Variants in THADA observed in about 807,000 individuals in gnomAD.
The protein encoded by THADA is THADA armadillo repeat containing, also known as tRNA (32-2'-O)-methyltransferase regulator THADA.
In THADA, 213 loss-of-function variants were observed where a neutral mutation model predicts 219.8. The observed-to-expected ratio is 0.97, with a 90% CI of 0.87 to 1.09. The LOEUF is 1.09. Ranked by LOEUF, THADA falls within the 50% of genes least tolerant of loss-of-function variation. THADA has a pLI of 0.00. For synonymous variants in THADA, 1,018 were observed against 828.9 expected, an observed-to-expected ratio of 1.23 and a Z score of -3.92; for missense variants, 2,956 against 2,311.3, an observed-to-expected ratio of 1.28 and a Z score of -5.72.
At chr2:43,317,488 A>G (rs1678216216) in intron 31 of THADA, among the ~76,000 whole-genome samples, 1 of 152,158 alleles carries the variant, frequency 6.6e-6, no homozygotes, top group Non-Finnish European at 1.5e-5. Context: ...TTGAAAGCAT[A>G]TTGAAATCTA....
chr2:43,495,843 C>A (rs78497923), intron 25 of THADA, among the ~76,000 whole-genome samples: 12,643 of 152,230 alleles, frequency 0.083, 583 homozygotes, highest in South Asian at 0.13. Flanking sequence ...TCTGACTCTA[C>A]TGACAGTATA....
chr2:43,551,936 G>C lies in THADA; in HGVS notation c.2811-11C>G, dbSNP rs367548179. ...ACCAACTGCAGGCTGCTGCAACAAGGACATTAGGGAAATTTATACTAAAAG... is the reference window on the plus strand; with the variant it reads ...ACCAACTGCAGGCTGCTGCAACAAGCACATTAGGGAAATTTATACTAAAAG... On this transcript the variant is annotated splice_polypyrimidine_tract_variant and intron_variant, in intron 18 of 37. Coordinates refer to ENST00000405975, the MANE Select transcript of THADA (RefSeq NM_022065.5). 1 of 1,593,554 alleles carries C rather than the reference G, an allele frequency of 6.3e-7. No individual in the cohort carries two copies. The highest frequency in any genetic ancestry group is 8.5e-7 in the Non-Finnish European group (1 of 1,174,444).
chr2:43,508,726 T>C lies in THADA; in HGVS notation c.3429A>G (p.Leu1143=), dbSNP rs1188689342. The C allele has an allele frequency of 9.9e-6, 16 of 1,613,808 alleles. No individual in the cohort carries two copies. The highest frequency in any genetic ancestry group is 1.3e-5 in the African/African-American group (1 of 75,036). ...KLPEQWLWSV[L]EEIKCSDPSS... ...AAGGATCACTGCATTTAATTTCCTC[T>C]AAAACACTCCATAGCCACTGTTCTG... The change falls in exon 23 of 38, where the codon TTA becomes TTG. Residue 1143 remains leucine, a synonymous_variant. Coordinates refer to ENST00000405975, the MANE Select transcript of THADA (RefSeq NM_022065.5).
Position 43,264,823 on chromosome 2 carries a change from C to T in THADA, c.5296+14942G>A, listed in dbSNP as rs188870117. ...GGTCAGCGCTTTGGAAGATTTCTTG[C>T]ACCCATCTCTGAGTTCTACAGTACC... On this transcript the variant is annotated intron_variant, in intron 36 of 37. Transcript: ENST00000405975. 5.9e-5 allele frequency among the ~76,000 whole-genome samples: 9 copies of T among 152,322 alleles called. No homozygotes were observed. The East Asian group carries it at 1.7e-3, about 29-fold the overall frequency.
intron 33 of THADA, 63 bp downstream of exon 33, chr2:43,292,041 T>C: frequency 8.8e-7 from 1 of 1,133,518 alleles, no homozygotes; most frequent in Non-Finnish European, 1.3e-6. Flanking sequence ...GCAAGTTCAT[T>C]ACATAATGAC....
intron 28 of THADA, among the ~76,000 whole-genome samples, chr2:43,415,913 G>A (rs1017114467): frequency 6.6e-5 from 10 of 152,090 alleles, no homozygotes; most frequent in African/African-American, 2.4e-4. Context: ...CTTAAGTCCA[G>A]TTTTCATTCT....
At chr2:43,578,310 T>C (rs1700067928) in intron 9 of THADA, among the ~76,000 whole-genome samples, 1 of 143,958 alleles carries the variant, frequency 6.9e-6, no homozygotes, top group Admixed American at 6.7e-5. Flanking sequence ...ACCCAGCAAA[T>C]TTTCTTTTTT....
intron 29 of THADA, among the ~76,000 whole-genome samples, chr2:43,366,049 G>A (rs1246225826): frequency 1.3e-5 from 2 of 152,162 alleles, no homozygotes; most frequent in Non-Finnish European, 2.9e-5. Flanking sequence ...GTTGAGCATA[G>A]AGATACTAAA....
intron 22 of THADA, among the ~76,000 whole-genome samples, chr2:43,515,003 T>TTA (rs1312952262): frequency 1.5e-4 from 5 of 32,662 alleles, no homozygotes; most frequent in African/African-American, 5.0e-4. Flanking sequence ...ATATATAATA[T>TTA]TATATATATT....
intron 29 of THADA, among the ~76,000 whole-genome samples, chr2:43,389,282 G>T (rs1395064291): frequency 6.6e-5 from 10 of 152,088 alleles, no homozygotes; most frequent in Non-Finnish European, 1.2e-4. Context: ...TATTAACTTA[G>T]AAATTATATA....
intron 24 of THADA, among the ~76,000 whole-genome samples, chr2:43,504,648 G>A (rs574920637): frequency 8.6e-4 from 131 of 152,326 alleles, no homozygotes; most frequent in African/African-American, 3.1e-3. Context: ...GGAAGGCCAA[G>A]GCAGGCAGAT....
chr2:43,439,233 C>T (rs1680535935), intron 26 of THADA, among the ~76,000 whole-genome samples: 1 of 151,934 alleles, frequency 6.6e-6, no homozygotes, highest in Non-Finnish European at 1.5e-5. Context: ...AAACTGAGTG[C>T]CATTAGATAT....
At chr2:43,500,807 T>C (rs1340299282) in intron 24 of THADA, among the ~76,000 whole-genome samples, 2 of 152,166 alleles carry the variant, frequency 1.3e-5, no homozygotes, top group Non-Finnish European at 2.9e-5. Flanking sequence ...GGTATGATTA[T>C]CCATAAAACA....
intron 29 of THADA, among the ~76,000 whole-genome samples, chr2:43,366,593 A>G (rs1216338807): frequency 6.6e-6 from 1 of 152,228 alleles, no homozygotes; most frequent in African/African-American, 2.4e-5. Context: ...GCAAAAGTTT[A>G]CATACAACAT....
At chr2:43,285,453 C>A (rs1431926833) in intron 35 of THADA, among the ~76,000 whole-genome samples, 1 of 152,168 alleles carries the variant, frequency 6.6e-6, no homozygotes, top group Non-Finnish European at 1.5e-5. Context: ...TCCCCTTTAC[C>A]TTCTGCCATA....
chr2:43,435,943 C>T (rs1192968818), intron 26 of THADA, among the ~76,000 whole-genome samples: 1 of 151,830 alleles, frequency 6.6e-6, no homozygotes, highest in East Asian at 1.9e-4. Flanking sequence ...GTTAGTACAC[C>T]TTCCATGTGG....
intron 36 of THADA, among the ~76,000 whole-genome samples, chr2:43,240,453 T>C (rs1471976436): frequency 6.6e-6 from 1 of 152,152 alleles, no homozygotes; most frequent in Non-Finnish European, 1.5e-5. Context: ...AAAAACAAGC[T>C]CGGTTCAGCT....
At chr2:43,389,949 G>C (rs980586743) in intron 29 of THADA, among the ~76,000 whole-genome samples, 1 of 152,178 alleles carries the variant, frequency 6.6e-6, no homozygotes, top group East Asian at 1.9e-4. Context: ...TAAGCTTCTT[G>C]AGAGCAGAGA....
intron 22 of THADA, among the ~76,000 whole-genome samples, chr2:43,514,666 AATATATAATATATTATATT>A (rs1302612220): frequency 4.6e-5 from 4 of 86,724 alleles, no homozygotes; most frequent in East Asian, 2.6e-4. Flanking sequence ...TGTATATAAT[AATATATAATATATTATATT>A]ATATATAATA....
Sources: allele counts gnomAD v4.1 joint callset (sites outside exome capture counted in the v4.1 genomes callset), GRCh38; gene constraint gnomAD v4.1.1; transcripts MANE v1.5; gene names NCBI Gene and HGNC (gene_info 2026-07-23, HGNC 2026-07-21).